Variants in LDLRAD4 observed in about 807,000 individuals in gnomAD.
LDLRAD4 encodes low density lipoprotein receptor class A domain containing 4.
LDLRAD4 carries 5 observed loss-of-function variants against 17.0 expected under a neutral mutation model. The observed-to-expected ratio is 0.29, with a 90% confidence interval of 0.15 to 0.62. The LOEUF is 0.62. Ranked by LOEUF, LDLRAD4 falls within the 20% of genes least tolerant of loss-of-function variation. The pLI, the probability that LDLRAD4 is intolerant of heterozygous loss-of-function variation, is 0.84. For synonymous variants in LDLRAD4, 168 were observed against 171.8 expected, an observed-to-expected ratio of 0.98 and a Z score of 0.17; for missense variants, 340 against 424.7, an observed-to-expected ratio of 0.80 and a Z score of 1.75.
chr18:13,407,039 G>A (rs755537591), intron 2 of LDLRAD4, among the ~76,000 whole-genome samples: 9 of 152,276 alleles, frequency 5.9e-5, no homozygotes, highest in African/African-American at 1.4e-4. Context: ...ACGGCGTGGC[G>A]GGCTGCAGGA....
intron 1 of LDLRAD4, among the ~76,000 whole-genome samples, chr18:13,259,986 G>T (rs2043724892): frequency 1.3e-5 from 2 of 152,256 alleles, no homozygotes; most frequent in Non-Finnish European, 2.9e-5. Flanking sequence ...GGTCTGTCCA[G>T]CCTCGGTTCC....
intron 1 of LDLRAD4, among the ~76,000 whole-genome samples, chr18:13,232,024 A>T (rs549027745): frequency 6.6e-6 from 1 of 152,312 alleles, no homozygotes; most frequent in Admixed American, 6.5e-5. Context: ...TCATTTTGGG[A>T]GGTCAAGGGT....
chr18:13,385,196 G>A lies in LDLRAD4; in HGVS notation c.-382-2145G>A, dbSNP rs1207108611. Among the ~76,000 whole-genome samples, 3 of 152,294 alleles carry A rather than the reference G, an allele frequency of 2.0e-5. No individual in the cohort carries two copies. The East Asian group carries it at 5.8e-4, about 29-fold the overall frequency. ...CCATTCTAATGGGTGTGAGGTGATAGCTCATTGTGGCTTTAATTTGCATAT... is the reference window on the plus strand; with the variant it reads ...CCATTCTAATGGGTGTGAGGTGATAACTCATTGTGGCTTTAATTTGCATAT... On this transcript the variant is annotated intron_variant, in intron 1 of 5. Coordinates refer to ENST00000359446, the Ensembl canonical transcript of LDLRAD4.
intron 2 of LDLRAD4, among the ~76,000 whole-genome samples, chr18:13,436,744 A>G (rs1358194868): frequency 3.3e-5 from 5 of 152,258 alleles, no homozygotes; most frequent in Admixed American, 3.3e-4. Flanking sequence ...TGGCTCCAGC[A>G]GCACCCCCAC....
At chr18:13,509,200 G>A (rs1315312263) in intron 3 of LDLRAD4, among the ~76,000 whole-genome samples, 1 of 152,220 alleles carries the variant, frequency 6.6e-6, no homozygotes, top group East Asian at 1.9e-4. Flanking sequence ...TATGGTGCCA[G>A]CTGCTCAGGA....
At chr18:13,268,035 C>T (rs2044319322) in intron 1 of LDLRAD4, among the ~76,000 whole-genome samples, 1 of 152,202 alleles carries the variant, frequency 6.6e-6, no homozygotes, top group Non-Finnish European at 1.5e-5. Context: ...TGGCTTGACA[C>T]ATTCTTTTTA....
At position 13,506,898 on chromosome 18, in the gene LDLRAD4, G is replaced by A. The variant is rs1034651753; in HGVS notation, c.181+68514G>A. Among the ~76,000 whole-genome samples the A allele has an allele frequency of 3.0e-4, 46 of 152,216 alleles. 1 individual carries two copies. The highest frequency in any genetic ancestry group is 1.1e-3 in the African/African-American group (44 of 41,456). On this transcript the variant is annotated intron_variant, in intron 3 of 5. Coordinates refer to ENST00000359446, the Ensembl canonical transcript of LDLRAD4. The stretch of plus-strand genomic sequence containing the variant: ...GATCTGCATGGCAGAAGTGCTAGCT[G>A]TGAAGTCTGCAGTTTCGGCGCTGAC...
At chr18:13,520,081 T>G (rs1435097593) in intron 3 of LDLRAD4, 2 of 152,258 alleles carry the variant, frequency 1.3e-5, no homozygotes, top group African/African-American at 4.8e-5. Context: ...TTCTCAACCA[T>G]AAGAATCCTC....
At chr18:13,578,825 G>GTTTTTTTTTTTTTTTTTTTTTTTT (rs1286958694) in intron 3 of LDLRAD4, among the ~76,000 whole-genome samples, 5 of 49,882 alleles carry the variant, frequency 1.0e-4, no homozygotes, top group Admixed American at 1.7e-4. Context: ...AGTTGTCCGG[G>GTTTTTTTTTTTTTTTTTTTTTTTT]TCTTTTTTTT....
chr18:13,576,339 G>A (rs996559260), intron 3 of LDLRAD4, among the ~76,000 whole-genome samples: 6 of 150,620 alleles, frequency 4.0e-5, no homozygotes, highest in East Asian at 2.0e-4. Context: ...GGAGAATAGC[G>A]TGAACCTGGG....
At chr18:13,450,006 G>A (rs933796367) in intron 3 of LDLRAD4, among the ~76,000 whole-genome samples, 2 of 152,184 alleles carry the variant, frequency 1.3e-5, no homozygotes, top group South Asian at 4.1e-4. Flanking sequence ...TGGAAGGACA[G>A]CCAAAGGAAC....
At chr18:13,474,480 T>C (rs1285128127) in intron 3 of LDLRAD4, among the ~76,000 whole-genome samples, 1 of 152,198 alleles carries the variant, frequency 6.6e-6, no homozygotes, top group African/African-American at 2.4e-5. Context: ...ATCCAAGCCA[T>C]TGCTCCCTCC....
intron 2 of LDLRAD4, among the ~76,000 whole-genome samples, chr18:13,403,233 T>G (rs2087390738): frequency 6.6e-6 from 1 of 152,310 alleles, no homozygotes; most frequent in South Asian, 2.1e-4. Context: ...TTCTTACCCT[T>G]GTTCATTTAT....
intron 1 of LDLRAD4, among the ~76,000 whole-genome samples, chr18:13,304,519 CT>C (rs1302264370): frequency 6.6e-6 from 1 of 152,102 alleles, no homozygotes; most frequent in East Asian, 1.9e-4. Flanking sequence ...GCAGCACAGG[CT>C]GTGGGGCAGG....
At chr18:13,362,667 G>C (rs2083755519) in intron 1 of LDLRAD4, 1 of 152,236 alleles carries the variant, frequency 6.6e-6, no homozygotes, top group South Asian at 2.1e-4. Flanking sequence ...GCAGAAAACA[G>C]TGTGATAGAT....
chr18:13,644,400 CAAA>C (rs5823265), intron 5 of LDLRAD4, among the ~76,000 whole-genome samples: 1,671 of 58,574 alleles, frequency 0.029, 17 homozygotes, highest in Middle Eastern at 0.13. Context: ...AACCCCATCT[CAAA>C]AAAAAAAAAA....
intron 1 of LDLRAD4, among the ~76,000 whole-genome samples, chr18:13,318,864 T>A (rs1445547370): frequency 6.6e-6 from 1 of 152,180 alleles, no homozygotes; most frequent in African/African-American, 2.4e-5. Flanking sequence ...AAAAGCCCTC[T>A]TACTTTACAC....
At chr18:13,422,016 T>C (rs1179990689) in intron 2 of LDLRAD4, among the ~76,000 whole-genome samples, 1 of 152,178 alleles carries the variant, frequency 6.6e-6, no homozygotes, top group East Asian at 1.9e-4. Flanking sequence ...GTTACGGAAC[T>C]CCCCCGGGGA....
At chr18:13,357,761 A>G (rs989449987) in intron 1 of LDLRAD4, among the ~76,000 whole-genome samples, 1 of 152,160 alleles carries the variant, frequency 6.6e-6, no homozygotes, top group Non-Finnish European at 1.5e-5. Flanking sequence ...ACATTTTTGT[A>G]AGGACATGCT....
Sources: gnomAD v4.1 joint callset for allele counts (sites outside exome capture counted in the v4.1 genomes callset) on GRCh38, gnomAD v4.1.1 for gene constraint, MANE v1.5 for transcripts, NCBI Gene and HGNC (gene_info 2026-07-23, HGNC 2026-07-21) for gene names.